The following GJB7 variants were observed in gnomAD, a reference collection of about 807,000 sequenced individuals.
GJB7 encodes the protein gap junction protein beta 7.
For synonymous variants in GJB7, 87 were observed against 95.2 expected (o/e 0.91, Z 0.50); for missense variants, 253 against 256.8 (o/e 0.99, Z 0.10).
chr6:87,297,304 C>A (rs1776260749), intron 2 of GJB7, among the ~76,000 whole-genome samples: 1 of 152,198 alleles, frequency 6.6e-6, no homozygotes, highest in Admixed American at 6.5e-5. Context: ...TGTGCTGACT[C>A]ACCCAATGTT....
Position 87,284,298 on chromosome 6 carries a change from G to A in GJB7, c.615C>T (p.Cys205=), listed in dbSNP as rs1488427209. 3 of 1,613,856 alleles carry A rather than the reference G, an allele frequency of 1.9e-6. No homozygotes were observed. Among genetic ancestry groups the A allele is most frequent in the Non-Finnish European group, 2.5e-6 (3 of 1,179,902 alleles). Residue 205 remains cysteine (C), a synonymous_variant, in exon 3 of 3, where the codon TGC becomes TGT. Transcript: ENST00000525899. ...ATTTTTGGAGACAGCACTTAATAAA[G>A]CACTTGAGAACCAAAAAACTCAGTT... ...FIELSFLVLK[C]FIKCCLQKYL...
intron 2 of GJB7, among the ~76,000 whole-genome samples, chr6:87,287,996 G>C (rs984164789): frequency 6.6e-6 from 1 of 152,012 alleles, no homozygotes; most frequent in African/African-American, 2.4e-5. Context: ...TCCGCCTCCC[G>C]GGTTCAAGCG....
intron 1 of GJB7, among the ~76,000 whole-genome samples, chr6:87,328,606 T>G (rs527819876): frequency 2.6e-5 from 4 of 152,294 alleles, no homozygotes; most frequent in Non-Finnish European, 2.9e-5. Flanking sequence ...GCAGTCTGCC[T>G]GTTCTCAGAT....
At chr6:87,313,766 C>T (rs879433195) in intron 2 of GJB7, among the ~76,000 whole-genome samples, 2 of 152,184 alleles carry the variant, frequency 1.3e-5, no homozygotes, top group African/African-American at 2.4e-5. Context: ...TGTAGGTCAG[C>T]GTTTCTGAAA....
intron 2 of GJB7, among the ~76,000 whole-genome samples, chr6:87,286,401 C>T (rs1776059950): frequency 6.6e-6 from 1 of 152,176 alleles, no homozygotes; most frequent in South Asian, 2.1e-4. Flanking sequence ...CAGATTCCTC[C>T]TAAATGCATC....
chr6:87,326,776 A>G (rs1466664880), intron 1 of GJB7, among the ~76,000 whole-genome samples: 1 of 119,036 alleles, frequency 8.4e-6, no homozygotes, highest in Non-Finnish European at 1.8e-5. Context: ...GTAGATGTCT[A>G]TTAGGTCTGC....
chr6:87,305,580 T>C (rs1776412160), intron 2 of GJB7, among the ~76,000 whole-genome samples: 1 of 152,122 alleles, frequency 6.6e-6, no homozygotes, highest in South Asian at 2.1e-4. Context: ...AGAATCAATA[T>C]TATGAAAATG....
At chr6:87,286,483 C>A (rs867707941) in intron 2 of GJB7, among the ~76,000 whole-genome samples, 6 of 152,316 alleles carry the variant, frequency 3.9e-5, no homozygotes, top group Middle Eastern at 6.8e-3. Flanking sequence ...TATTTCCAGT[C>A]TCATTATCTC....
chr6:87,326,016 C>T (rs960040340), intron 1 of GJB7, among the ~76,000 whole-genome samples: 2 of 151,974 alleles, frequency 1.3e-5, no homozygotes, highest in Non-Finnish European at 2.9e-5. Context: ...TGTCGAGGAA[C>T]TTATCCATTT....
chr6:87,328,915 G>A (rs990357858), intron 1 of GJB7, among the ~76,000 whole-genome samples: 3 of 152,326 alleles, frequency 2.0e-5, no homozygotes, highest in South Asian at 2.1e-4. Context: ...CTCCGTGGGC[G>A]TAGGACCCTC....
At chr6:87,328,858 C>T (rs1352950725) in intron 1 of GJB7, among the ~76,000 whole-genome samples, 2 of 152,334 alleles carry the variant, frequency 1.3e-5, no homozygotes, top group African/African-American at 2.4e-5. Flanking sequence ...AGCCTCACTG[C>T]CGCCTTGCAG....
intron 2 of GJB7, among the ~76,000 whole-genome samples, chr6:87,292,516 C>T (rs931127130): frequency 6.6e-6 from 1 of 152,114 alleles, no homozygotes; most frequent in Non-Finnish European, 1.5e-5. Context: ...GTAAAAATCA[C>T]TTTCCCAACC....
At chr6:87,287,370 C>T (rs779985611) in intron 2 of GJB7, among the ~76,000 whole-genome samples, 1 of 152,172 alleles carries the variant, frequency 6.6e-6, no homozygotes, top group Non-Finnish European at 1.5e-5. Flanking sequence ...GTTCCAACAG[C>T]ACACATGTTG....
intron 2 of GJB7, among the ~76,000 whole-genome samples, chr6:87,317,200 CA>C (rs113016507): frequency 9.5e-4 from 130 of 137,092 alleles, no homozygotes; most frequent in Admixed American, 1.7e-3. Flanking sequence ...ACTAAAAATA[CA>C]AAAAAAAAAA....
chr6:87,322,206 T>G (rs568576050), intron 2 of GJB7: 1 of 152,210 alleles, frequency 6.6e-6, no homozygotes, highest in Non-Finnish European at 1.5e-5. Flanking sequence ...TAAATGACTG[T>G]TCCCCTAAAG....
chr6:87,285,179 C>T (rs1018160173), intron 2 of GJB7, among the ~76,000 whole-genome samples: 1 of 152,062 alleles, frequency 6.6e-6, no homozygotes, highest in Non-Finnish European at 1.5e-5. Context: ...GGTCATCTAC[C>T]CCACCGCCCA....
At chr6:87,316,490 G>A (rs1057363309) in intron 2 of GJB7, among the ~76,000 whole-genome samples, 1 of 152,200 alleles carries the variant, frequency 6.6e-6, no homozygotes, top group African/African-American at 2.4e-5. Context: ...GTGAGGCAAA[G>A]GGCAGGTGTA....
At chr6:87,294,291 G>C (rs573606916) in intron 2 of GJB7, among the ~76,000 whole-genome samples, 48 of 152,222 alleles carry the variant, frequency 3.2e-4, no homozygotes, top group Non-Finnish European at 5.6e-4. Flanking sequence ...GCACAGCCCA[G>C]AGCAGACAAA....
chr6:87,308,007 A>G (rs1467970529), intron 2 of GJB7, among the ~76,000 whole-genome samples: 2 of 152,224 alleles, frequency 1.3e-5, no homozygotes, highest in Non-Finnish European at 2.9e-5. Flanking sequence ...CTGGATTAAG[A>G]AAATGTGGCA....
Sources: gnomAD v4.1 joint callset for allele counts (sites outside exome capture counted in the v4.1 genomes callset) on GRCh38, gnomAD v4.1.1 for gene constraint, MANE v1.5 for transcripts, NCBI Gene and HGNC (gene_info 2026-07-23, HGNC 2026-07-21) for gene names.